NNMT: variants seen among roughly 807,000 people sequenced by gnomAD.
NNMT encodes the protein nicotinamide N-methyltransferase.
NNMT carries 10 observed loss-of-function variants against 11.7 expected under a neutral mutation model. The observed-to-expected ratio is 0.85, with a 90% confidence interval of 0.53 to 1.45. NNMT has a LOEUF of 1.45. NNMT is among the 40% of genes most tolerant of loss of function. The probability of loss-of-function intolerance (pLI) is 0.00; values close to 1 mark genes in which losing one functional copy is unlikely to be tolerated. For synonymous variants in NNMT, 143 were observed against 133.8 expected (o/e 1.07, Z -0.48); for missense variants, 381 against 319.4 (o/e 1.19, Z -1.47).
chr11:114,306,293 G>T (rs1055824717), intron 2 of NNMT, among the ~76,000 whole-genome samples: 1 of 152,160 alleles, frequency 6.6e-6, no homozygotes, highest in African/African-American at 2.4e-5. Flanking sequence ...CTCCCATTCT[G>T]TAGGTTGCCT....
chr11:114,302,292 A>G (rs1330668822), intron 2 of NNMT, among the ~76,000 whole-genome samples: 1 of 152,070 alleles, frequency 6.6e-6, no homozygotes, highest in Admixed American at 6.6e-5. Flanking sequence ...TCCATTTAGT[A>G]TAAGTGTACA....
At chr11:114,289,087 C>A (rs1392714627) in intron 2 of NNMT, among the ~76,000 whole-genome samples, 3 of 152,082 alleles carry the variant, frequency 2.0e-5, no homozygotes, top group Non-Finnish European at 4.4e-5. Context: ...CATTTAAATT[C>A]TTTAATGGTT....
rs570984378 is a variant in NNMT at position 114,259,863 on chromosome 11, T to A, written c.-217+1985T>A. 2.0e-5 allele frequency among the ~76,000 whole-genome samples: 3 copies of A among 152,308 alleles called. No homozygotes were observed. The East Asian group carries it at 5.8e-4, about 29-fold the overall frequency. On this transcript the variant is annotated intron_variant, in intron 1 of 4. Coordinates refer to the NNMT transcript ENST00000535401. ...CACGCTGCGTTCAGCCGCTCCCAAC[T>A]GTACACCGGCTGGCTGCACCCGTTC...
chr11:114,281,870 T>C (rs1945265486), intron 2 of NNMT, among the ~76,000 whole-genome samples: 1 of 152,152 alleles, frequency 6.6e-6, no homozygotes, highest in South Asian at 2.1e-4. Context: ...CAGGCCTTTT[T>C]CTCTGGGGGA....
Position 114,313,532 on chromosome 11 carries a change from G to A in NNMT, c.*1055G>A, listed in dbSNP as rs1006052423. Reference sequence around the variant, plus strand: ...AATAAAATAAAGTGAATTGTTACATGTAAAGGACCTAGAATATTGCATGGT... The same window carrying A: ...AATAAAATAAAGTGAATTGTTACATATAAAGGACCTAGAATATTGCATGGT... On this transcript the variant is annotated 3_prime_UTR_variant, in exon 3 of 3. Transcript: ENST00000299964. Among the ~76,000 whole-genome samples, 4 of 152,142 alleles carry A rather than the reference G, an allele frequency of 2.6e-5. No individual in the cohort carries two copies. Among genetic ancestry groups the A allele is most frequent in the African/African-American group, 9.6e-5 (4 of 41,452 alleles).
At chr11:114,304,607 G>A (rs996240895) in intron 2 of NNMT, among the ~76,000 whole-genome samples, 1 of 152,158 alleles carries the variant, frequency 6.6e-6, no homozygotes, top group African/African-American at 2.4e-5. Context: ...TTTATCTGAA[G>A]TTTTTTCTTG....
chr11:114,310,413 G>T (rs1945538924), intron 2 of NNMT, among the ~76,000 whole-genome samples: 1 of 152,202 alleles, frequency 6.6e-6, no homozygotes, highest in Non-Finnish European at 1.5e-5. Context: ...GAAAATTATA[G>T]GAAGCATAAA....
intron 2 of NNMT, among the ~76,000 whole-genome samples, chr11:114,280,846 C>T (rs1945255733): frequency 6.6e-6 from 1 of 152,184 alleles, no homozygotes; most frequent in South Asian, 2.1e-4. Flanking sequence ...GCTCTTCCCT[C>T]CTTTGCTTGT....
rs534270415 is a variant in NNMT at position 114,284,554 on chromosome 11, C to T, written c.-129-11874C>T. ...TCTTGGCTCACTGCAACCTCCGCCT[C>T]CTGGGTTCAAGCAATTCTCCTGCCT... On this transcript the variant is annotated intron_variant, in intron 2 of 4. Coordinates refer to the NNMT transcript ENST00000535401. Among the ~76,000 whole-genome samples the T allele has an allele frequency of 4.1e-3, 616 of 151,950 alleles. 6 individuals are homozygous for T. Among genetic ancestry groups the T allele is most frequent in the African/African-American group, 0.014 (599 of 41,422 alleles).
intron 2 of NNMT, among the ~76,000 whole-genome samples, chr11:114,302,434 C>G (rs932024683): frequency 2.0e-4 from 31 of 152,110 alleles, no homozygotes; most frequent in Non-Finnish European, 4.4e-5. Context: ...GTAAGATATT[C>G]CAAAAGTGTA....
rs1254057603 is a variant in NNMT, at chr11:114,267,910, C to T, written c.-130+4976C>T. ...ATTTTCCTGATTGCTTCAAAAATAA[C>T]TTTTTAAAGTTGATTTATTTGAATT... On this transcript the variant is annotated intron_variant, in intron 2 of 4. Transcript: ENST00000535401. 3.9e-5 allele frequency among the ~76,000 whole-genome samples: 6 copies of T among 152,292 alleles called. No individual in the cohort carries two copies. The East Asian group carries it at 1.2e-3, about 29-fold the overall frequency.
intron 2 of NNMT, among the ~76,000 whole-genome samples, chr11:114,306,621 C>T (rs1220727276): frequency 1.3e-5 from 2 of 152,102 alleles, no homozygotes; most frequent in Non-Finnish European, 2.9e-5. Flanking sequence ...TTCCCTATTT[C>T]TTGTTTTTGT....
At chr11:114,259,432 GAAGGAGCAGGAGGC>G (rs1469819891) in intron 1 of NNMT, among the ~76,000 whole-genome samples, 2 of 152,148 alleles carry the variant, frequency 1.3e-5, no homozygotes, top group African/African-American at 4.8e-5. Context: ...CATGCCAGAG[GAAGGAGCAGGAGGC>G]AACAGGGCAG....
At chr11:114,270,349 T>G (rs769590219) in intron 2 of NNMT, 6 of 152,232 alleles carry the variant, frequency 3.9e-5, no homozygotes, top group Non-Finnish European at 2.9e-5. Context: ...CTGTGCCCTT[T>G]CCCTGGGCAT....
rs189814009 is a variant in NNMT at position 114,258,865 on chromosome 11, C to G, written c.-217+987C>G. On this transcript the variant is annotated intron_variant, in intron 1 of 4. Transcript: ENST00000535401. The stretch of plus-strand genomic sequence containing the variant: ...TTCTGGGCCACACCGAGCTCCATTC[C>G]CCTGTGGGCCTGTGCGTGTGCTGTT... Among the ~76,000 whole-genome samples, 21 of 151,516 alleles carry G rather than the reference C, an allele frequency of 1.4e-4. 1 individual carries two copies. The highest frequency in any genetic ancestry group is 1.3e-3 in the Admixed American group (19 of 15,182).
intron 2 of NNMT, among the ~76,000 whole-genome samples, chr11:114,310,337 G>A (rs1945538328): frequency 6.6e-6 from 1 of 152,284 alleles, no homozygotes; most frequent in Middle Eastern, 3.4e-3. Context: ...GTTTTGATTT[G>A]CATTTCTCTG....
intron 2 of NNMT, among the ~76,000 whole-genome samples, chr11:114,305,847 C>A (rs1469601258): frequency 1.3e-5 from 2 of 152,032 alleles, no homozygotes; most frequent in Non-Finnish European, 2.9e-5. Flanking sequence ...GATTTATAAT[C>A]CTTTGGGTAT....
chr11:114,307,725 T>C (rs1945505862), intron 2 of NNMT, among the ~76,000 whole-genome samples: 1 of 152,084 alleles, frequency 6.6e-6, no homozygotes, highest in African/African-American at 2.4e-5. Context: ...TCCTCCTGTG[T>C]TTCCTGCCAC....
chr11:114,260,082 G>A (rs1007829979), intron 1 of NNMT, among the ~76,000 whole-genome samples: 1 of 152,152 alleles, frequency 6.6e-6, no homozygotes, highest in African/African-American at 2.4e-5. Context: ...ACACACAACA[G>A]CTCACCAAGC....
Sources: gnomAD v4.1 joint callset for allele counts (sites outside exome capture counted in the v4.1 genomes callset) on GRCh38, gnomAD v4.1.1 for gene constraint, MANE v1.5 for transcripts, NCBI Gene and HGNC (gene_info 2026-07-23, HGNC 2026-07-21) for gene names.